Variants in RPS6KC1 observed in about 807,000 individuals in gnomAD.
The protein encoded by RPS6KC1 is inactive ribosomal protein S6 kinase delta-1.
A neutral mutation model predicts 103.8 loss-of-function variants in RPS6KC1; 54 were observed. That is an observed-to-expected ratio of 0.52 (90% CI 0.42 to 0.65). The LOEUF is 0.65. RPS6KC1 is among the 30% of genes least tolerant of loss of function. RPS6KC1 has a pLI of 0.00. For missense variants in RPS6KC1, 1,151 were observed against 1,253.8 expected (o/e 0.92, Z 1.24); for synonymous variants, 439 against 438.7 (o/e 1.00, Z -0.01).
chr1:213,457,695 ATAACT>A, the RPS6KC1 span, among the ~76,000 whole-genome samples: 127 of 152,354 alleles, frequency 8.3e-4, no homozygotes, highest in South Asian at 5.0e-3. Flanking sequence ...AGATACAGTA[ATAACT>A]TAATTGGCAA....
At chr1:213,288,166 A>T in the RPS6KC1 span, among the ~76,000 whole-genome samples, 2 of 152,076 alleles carry the variant, frequency 1.3e-5, no homozygotes, top group Non-Finnish European at 2.9e-5. Flanking sequence ...GGACCAAAAC[A>T]CTTGTGTCAA....
At chr1:213,722,506 A>G in the RPS6KC1 span, among the ~76,000 whole-genome samples, 40,668 of 152,002 alleles carry the variant, frequency 0.27, 6,081 homozygotes, top group African/African-American at 0.38. Flanking sequence ...CTGAATTACT[A>G]TGGCATCTTT....
intron 9 of RPS6KC1, 39 bp from the exon 10 acceptor site, chr1:213,232,084 G>A (rs74139160): frequency 1.3e-6 from 1 of 782,800 alleles, no homozygotes. Flanking sequence ...AACTGAGGAT[G>A]CAACTGAGGA....
the RPS6KC1 span, among the ~76,000 whole-genome samples, chr1:213,591,163 T>G: frequency 0.041 from 6,299 of 152,250 alleles, 305 homozygotes; most frequent in East Asian, 0.27. Flanking sequence ...CTGTGGAAAC[T>G]GGGTGAGAAA....
chr1:213,854,562 T>TTCTCTC, the RPS6KC1 span, among the ~76,000 whole-genome samples: 13 of 122,548 alleles, frequency 1.1e-4, no homozygotes, highest in African/African-American at 4.2e-4. Context: ...CTTTCTTTCT[T>TTCTCTC]TCTCTCTCTC....
chr1:213,234,182 AAAATTTTTTGTAG>A (rs767838697), intron 10 of RPS6KC1, among the ~76,000 whole-genome samples: 185 of 151,976 alleles, frequency 1.2e-3, no homozygotes, highest in Non-Finnish European at 2.4e-3. Context: ...GCTAAGTTTT[AAAATTTTTTGTAG>A]AGATTGGGTC....
intron 2 of RPS6KC1, among the ~76,000 whole-genome samples, chr1:213,075,408 A>C (rs540207890): frequency 8.5e-5 from 13 of 152,318 alleles, no homozygotes; most frequent in African/African-American, 2.9e-4. Context: ...TCATTGTTAG[A>C]ATCCTCACAT....
the RPS6KC1 span, among the ~76,000 whole-genome samples, chr1:213,743,101 G>A: frequency 6.6e-6 from 1 of 152,186 alleles, no homozygotes; most frequent in Non-Finnish European, 1.5e-5. Flanking sequence ...GTTCATTGCT[G>A]TGCTGTTCAC....
chr1:213,177,557 C>A (rs2091953503), intron 8 of RPS6KC1, among the ~76,000 whole-genome samples: 1 of 152,046 alleles, frequency 6.6e-6, no homozygotes, highest in South Asian at 2.1e-4. Flanking sequence ...TAAGTTCTGG[C>A]AAGGATCATT....
chr1:213,186,208 C>G (rs2092524050), intron 8 of RPS6KC1, among the ~76,000 whole-genome samples: 1 of 142,756 alleles, frequency 7.0e-6, no homozygotes. Context: ...TTTTTTAAAC[C>G]TTTTTTTTTT....
At chr1:213,603,399 G>C in the RPS6KC1 span, among the ~76,000 whole-genome samples, 3 of 152,224 alleles carry the variant, frequency 2.0e-5, no homozygotes, top group African/African-American at 7.2e-5. Context: ...CTGGCCATGG[G>C]CAGAAGTTAG....
the RPS6KC1 span, among the ~76,000 whole-genome samples, chr1:213,699,055 G>A: frequency 6.6e-6 from 1 of 152,028 alleles, no homozygotes; most frequent in Non-Finnish European, 1.5e-5. Flanking sequence ...ATTACAAACA[G>A]TCCAATTATA....
the RPS6KC1 span, among the ~76,000 whole-genome samples, chr1:213,285,409 C>T: frequency 1.3e-5 from 2 of 152,096 alleles, no homozygotes; most frequent in African/African-American, 2.4e-5. Context: ...GCAGTTCCCA[C>T]GAGTTCTTCG....
the RPS6KC1 span, among the ~76,000 whole-genome samples, chr1:213,690,914 C>T: frequency 6.6e-6 from 1 of 152,148 alleles, no homozygotes; most frequent in African/African-American, 2.4e-5. Flanking sequence ...GTACTCCTGG[C>T]TGTTGTCTTC....
chr1:213,578,366 AGAGTTC>A, the RPS6KC1 span, among the ~76,000 whole-genome samples: 5 of 152,256 alleles, frequency 3.3e-5, no homozygotes, highest in African/African-American at 1.2e-4. Flanking sequence ...GCCCGTACAC[AGAGTTC>A]CCACTGGGGC....
the RPS6KC1 span, among the ~76,000 whole-genome samples, chr1:213,436,886 T>G: frequency 6.6e-6 from 1 of 152,162 alleles, no homozygotes; most frequent in Non-Finnish European, 1.5e-5. Context: ...AACTCACTTA[T>G]GTATTTTATC....
chr1:213,840,990 C>G, the RPS6KC1 span: 2 of 152,198 alleles, frequency 1.3e-5, no homozygotes, highest in East Asian at 1.9e-4. Flanking sequence ...CTACTGTTTT[C>G]TAAGTAAAGA....
chr1:213,574,616 TG>T, the RPS6KC1 span, among the ~76,000 whole-genome samples: 136 of 152,310 alleles, frequency 8.9e-4, no homozygotes, highest in African/African-American at 3.2e-3. Flanking sequence ...AACCAGGACA[TG>T]GTCATATAAT....
the RPS6KC1 span, among the ~76,000 whole-genome samples, chr1:213,560,899 T>C: frequency 6.6e-6 from 1 of 152,192 alleles, no homozygotes; most frequent in Non-Finnish European, 1.5e-5. Flanking sequence ...CAGATGGAGA[T>C]ACTAGCTCAT....
Sources: gnomAD v4.1 joint callset for allele counts (sites outside exome capture counted in the v4.1 genomes callset) on GRCh38, gnomAD v4.1.1 for gene constraint, MANE v1.5 for transcripts, NCBI Gene and HGNC (gene_info 2026-07-23, HGNC 2026-07-21) for gene names.